POLR3B: variants seen among roughly 807,000 people sequenced by gnomAD.
POLR3B encodes RNA polymerase III subunit B.
A neutral mutation model predicts 147.4 loss-of-function variants in POLR3B; 96 were observed. The observed-to-expected ratio is 0.65, with a 90% CI of 0.55 to 0.77. POLR3B has a LOEUF of 0.77. Ranked by LOEUF, POLR3B falls within the 30% of genes least tolerant of loss-of-function variation. The probability of loss-of-function intolerance (pLI) is 0.00; values close to 1 mark genes in which losing one functional copy is unlikely to be tolerated. For missense variants in POLR3B, 1,036 were observed against 1,413.5 expected (o/e 0.73, Z 4.28); for synonymous variants, 461 against 485.9 (o/e 0.95, Z 0.67).
chr12:106,422,708 C>G (rs2037387708), intron 12 of POLR3B, among the ~76,000 whole-genome samples: 1 of 152,132 alleles, frequency 6.6e-6, no homozygotes, highest in Non-Finnish European at 1.5e-5. Flanking sequence ...TTTCTGGACT[C>G]TTTGGTCTAT....
At chr12:106,374,426 C>T (rs1380111552) in intron 6 of POLR3B, among the ~76,000 whole-genome samples, 1 of 152,034 alleles carries the variant, frequency 6.6e-6, no homozygotes, top group South Asian at 2.1e-4. Context: ...ATGTTGCCCC[C>T]GCTGGTCTCG....
intron 23 of POLR3B, among the ~76,000 whole-genome samples, chr12:106,477,634 C>T (rs1482523202): frequency 6.6e-6 from 1 of 152,080 alleles, no homozygotes; most frequent in Non-Finnish European, 1.5e-5. Flanking sequence ...TGTCCAGGTG[C>T]GTCCGTCACC....
intron 18 of POLR3B, among the ~76,000 whole-genome samples, chr12:106,442,055 G>A (rs968769609): frequency 1.8e-4 from 27 of 149,230 alleles, no homozygotes; most frequent in African/African-American, 6.5e-4. Flanking sequence ...ACTCCAGCCT[G>A]GGCAGCAAGA....
At chr12:106,436,831 T>A (rs113114418) in intron 16 of POLR3B, among the ~76,000 whole-genome samples, 5 of 152,198 alleles carry the variant, frequency 3.3e-5, no homozygotes, top group Admixed American at 2.6e-4. Flanking sequence ...TGTCCACACA[T>A]ACTCACATGT....
intron 22 of POLR3B, among the ~76,000 whole-genome samples, chr12:106,462,692 T>TA (rs2037956299): frequency 6.6e-6 from 1 of 152,224 alleles, no homozygotes; most frequent in South Asian, 2.1e-4. Flanking sequence ...TCTTGCACAC[T>TA]AAGCCCTATG....
Position 106,432,493 on chromosome 12 carries a change from T to C in POLR3B, c.1627+13T>C. The C allele has an allele frequency of 6.2e-7, 1 of 1,603,606 alleles. No homozygotes were observed. Among genetic ancestry groups the C allele is most frequent in the Non-Finnish European group, 8.5e-7 (1 of 1,170,570 alleles). Reference sequence around the variant, plus strand: ...GTCTTTCTTAATGGTGGGTATATTATAGAGACATGTTGGTCCTAGATAGTC... The same window carrying C: ...GTCTTTCTTAATGGTGGGTATATTACAGAGACATGTTGGTCCTAGATAGTC... On this transcript the variant is annotated intron_variant, in intron 15 of 27. Coordinates refer to ENST00000228347, the MANE Select transcript of POLR3B (RefSeq NM_018082.6).
intron 11 of POLR3B, 171 bp from the exon 12 acceptor site, chr12:106,410,655 C>T: frequency 1.5e-6 from 1 of 651,476 alleles, no homozygotes; most frequent in Non-Finnish European, 2.7e-6. Context: ...GATGAAAAGT[C>T]ATCATCTCAG....
At chr12:106,487,767 C>A (rs927783377) in intron 23 of POLR3B, among the ~76,000 whole-genome samples, 1 of 152,156 alleles carries the variant, frequency 6.6e-6, no homozygotes, top group African/African-American at 2.4e-5. Context: ...ATGAAACAAA[C>A]ATAAAGAGGA....
At chr12:106,451,399 A>G (rs1235289823) in intron 19 of POLR3B, among the ~76,000 whole-genome samples, 1 of 152,026 alleles carries the variant, frequency 6.6e-6, no homozygotes. Flanking sequence ...AGGCTGAGGC[A>G]GGCGGATCAC....
chr12:106,369,807 G>A, intron 6 of POLR3B, 124 bp downstream of exon 6: 3 of 707,186 alleles, frequency 4.2e-6, no homozygotes, highest in Non-Finnish European at 5.1e-6. Flanking sequence ...GAGTCAGCAT[G>A]TGTAAAGCAC....
At chr12:106,467,138 T>A (rs995778847) in intron 23 of POLR3B, among the ~76,000 whole-genome samples, 21 of 152,234 alleles carry the variant, frequency 1.4e-4, no homozygotes, top group Non-Finnish European at 4.4e-5. Context: ...TGAGCAGTAG[T>A]TTGTAGTTCT....
rs74998506 is a variant in POLR3B at position 106,379,227 on chromosome 12, C to A, written c.615-804C>A. ...TACCTTGACTGTAAGAGGTAGATAGCCTTTGAACCCAGATACGGTTAATTT... is the reference window on the plus strand; with the variant it reads ...TACCTTGACTGTAAGAGGTAGATAGACTTTGAACCCAGATACGGTTAATTT... On this transcript the variant is annotated intron_variant, in intron 8 of 27. Coordinates refer to ENST00000228347, the MANE Select transcript of POLR3B (RefSeq NM_018082.6). Among the ~76,000 whole-genome samples, 1,042 of 152,270 alleles carry A rather than the reference C, an allele frequency of 6.8e-3. 18 individuals are homozygous for A. Among genetic ancestry groups the A allele is most frequent in the African/African-American group, 0.024 (999 of 41,542 alleles).
intron 22 of POLR3B, among the ~76,000 whole-genome samples, chr12:106,463,010 T>C (rs1295079825): frequency 6.6e-6 from 1 of 152,142 alleles, no homozygotes; most frequent in Non-Finnish European, 1.5e-5. Context: ...TTAATTGTTA[T>C]GTGTCCGAAG....
chr12:106,452,003 G>A (rs534980239), intron 19 of POLR3B, among the ~76,000 whole-genome samples: 14 of 152,154 alleles, frequency 9.2e-5, no homozygotes, highest in Non-Finnish European at 1.8e-4. Flanking sequence ...TATTTTATAT[G>A]TGTGTATATA....
intron 8 of POLR3B, 135 bp from the exon 9 acceptor site, chr12:106,379,896 G>T (rs760621207): frequency 1.7e-4 from 113 of 680,232 alleles, no homozygotes; most frequent in Non-Finnish European, 2.9e-4. Context: ...TCTTTTTAAA[G>T]TACTTATTAG....
intron 26 of POLR3B, among the ~76,000 whole-genome samples, chr12:106,503,086 A>G (rs910186854): frequency 1.2e-4 from 18 of 152,138 alleles, no homozygotes; most frequent in African/African-American, 4.3e-4. Flanking sequence ...GAAGGGAGCA[A>G]CTACCCATTT....
At chr12:106,407,246 A>T (rs1490691139) in intron 11 of POLR3B, among the ~76,000 whole-genome samples, 1 of 152,208 alleles carries the variant, frequency 6.6e-6, no homozygotes, top group African/African-American at 2.4e-5. Context: ...CCTGAGACGT[A>T]ATTGTTCAAA....
chr12:106,371,084 G>T (rs1395945818), intron 6 of POLR3B, among the ~76,000 whole-genome samples: 1 of 152,194 alleles, frequency 6.6e-6, no homozygotes, highest in Non-Finnish European at 1.5e-5. Flanking sequence ...TCATAAGATT[G>T]AGGGTTTAAA....
rs138257827 is a variant in POLR3B at position 106,409,346 on chromosome 12, G to GTTTTTTTT, written c.967-1479_967-1472dup. Among the ~76,000 whole-genome samples, 14 of 67,474 alleles carry GTTTTTTTT rather than the reference G, an allele frequency of 2.1e-4. 4 individuals carry two copies. Among genetic ancestry groups the GTTTTTTTT allele is most frequent in the African/African-American group, 8.9e-4 (11 of 12,384 alleles). The allele number at this position is 67,474 out of a possible 152,430, so 44.3% of individuals were successfully genotyped here. On this transcript the variant is annotated intron_variant, in intron 11 of 27. Transcript: ENST00000228347. ...TAACTGGTGTTACGATTGTAAGAGG[G>GTTTTTTTT]TTTTTTTTGTTTTTTTTTTTTTTTT...
Sources: gnomAD v4.1 joint callset for allele counts (sites outside exome capture counted in the v4.1 genomes callset) on GRCh38, gnomAD v4.1.1 for gene constraint, MANE v1.5 for transcripts, NCBI Gene and HGNC (gene_info 2026-07-23, HGNC 2026-07-21) for gene names.